Variants in CCDC60 observed in about 807,000 individuals in gnomAD.
The protein encoded by CCDC60 is coiled-coil domain containing 60.
A neutral mutation model predicts 63.5 loss-of-function variants in CCDC60; 54 were observed. That is an observed-to-expected ratio of 0.85 (90% CI 0.68 to 1.07). The LOEUF is 1.07. Among genes scored for constraint, CCDC60 ranks in the 50% least tolerant of loss-of-function variants. CCDC60 has a pLI of 0.00. For synonymous variants in CCDC60, 206 were observed against 238.8 expected (o/e 0.86, Z 1.27); for missense variants, 651 against 684.3 (o/e 0.95, Z 0.54).
rs143111849 is a variant in CCDC60 at position 119,513,260 on chromosome 12, C to G, written c.884-3363C>G. Among the ~76,000 whole-genome samples the G allele has an allele frequency of 2.6e-5, 4 of 152,308 alleles. No homozygotes were observed. In the East Asian group the frequency reaches 7.7e-4, roughly 29 times the overall value. ...TCTTGAGGCACGTAACTTACTCCATCTCTATTTCATTTTCCAACTTTTTGG... is the reference window on the plus strand; with the variant it reads ...TCTTGAGGCACGTAACTTACTCCATGTCTATTTCATTTTCCAACTTTTTGG... On this transcript the variant is annotated intron_variant, in intron 7 of 13. Coordinates refer to ENST00000327554, the MANE Select transcript of CCDC60 (RefSeq NM_178499.5).
At chr12:119,394,586 G>GT (rs1353061907) in intron 1 of CCDC60, among the ~76,000 whole-genome samples, 3 of 152,194 alleles carry the variant, frequency 2.0e-5, no homozygotes, top group Non-Finnish European at 4.4e-5. Flanking sequence ...ACAGAAAACA[G>GT]TAATTCTCAT....
At chr12:119,360,362 C>A (rs1203834684) in intron 1 of CCDC60, among the ~76,000 whole-genome samples, 1 of 85,944 alleles carries the variant, frequency 1.2e-5, no homozygotes, top group Non-Finnish European at 2.1e-5. Context: ...ACCTCCCTCC[C>A]GGACGGGGCG....
chr12:119,367,619 C>T (rs1385374213), intron 1 of CCDC60, among the ~76,000 whole-genome samples: 1 of 152,074 alleles, frequency 6.6e-6, no homozygotes, highest in East Asian at 1.9e-4. Context: ...ACAGCTCTGC[C>T]CAAAAGTCCG....
intron 2 of CCDC60, among the ~76,000 whole-genome samples, chr12:119,443,264 A>G (rs566011931): frequency 1.3e-5 from 2 of 152,340 alleles, no homozygotes; most frequent in South Asian, 4.1e-4. Flanking sequence ...GCCTTTTTCA[A>G]TACAGATGGA....
intron 2 of CCDC60, among the ~76,000 whole-genome samples, chr12:119,462,289 A>G (rs1950869455): frequency 6.6e-6 from 1 of 152,090 alleles, no homozygotes; most frequent in Admixed American, 6.6e-5. Flanking sequence ...GTCTCTTCCT[A>G]TTTGCAGCAC....
chr12:119,484,639 G>A (rs1200154554), intron 4 of CCDC60, among the ~76,000 whole-genome samples: 5 of 152,056 alleles, frequency 3.3e-5, no homozygotes, highest in Non-Finnish European at 5.9e-5. Context: ...CTTGTGCCCA[G>A]GAGGCAGAGG....
intron 2 of CCDC60, among the ~76,000 whole-genome samples, chr12:119,459,448 C>T (rs1290145434): frequency 6.6e-6 from 1 of 152,158 alleles, no homozygotes; most frequent in East Asian, 1.9e-4. Flanking sequence ...CTTGTTCATT[C>T]CTGGGGATGG....
chr12:119,420,039 G>A lies in CCDC60; in HGVS notation c.91-8644G>A, dbSNP rs1436992840. Among the ~76,000 whole-genome samples the A allele has an allele frequency of 6.6e-6, 1 of 151,628 alleles. No individual in the cohort carries two copies. The highest frequency in any genetic ancestry group is 6.6e-5 in the Admixed American group (1 of 15,230). ...CTACAGGCACCCACCACCACACCTGGGTAATTTTTTGTATTTTTAGTAGAG... is the reference window on the plus strand; with the variant it reads ...CTACAGGCACCCACCACCACACCTGAGTAATTTTTTGTATTTTTAGTAGAG... On this transcript the variant is annotated intron_variant, in intron 1 of 13. Coordinates refer to ENST00000327554, the MANE Select transcript of CCDC60 (RefSeq NM_178499.5). The surrounding 1 kb of genome is among the most constrained non-coding windows in gnomAD (Gnocchi z 4.1).
chr12:119,390,654 T>G (rs916347541), intron 1 of CCDC60, among the ~76,000 whole-genome samples: 1 of 152,212 alleles, frequency 6.6e-6, no homozygotes, highest in African/African-American at 2.4e-5. Flanking sequence ...AATTCTAATC[T>G]GCAAGGAATC....
At chr12:119,535,812 G>T (rs1048098428) in intron 13 of CCDC60, among the ~76,000 whole-genome samples, 7 of 152,168 alleles carry the variant, frequency 4.6e-5, no homozygotes, top group Non-Finnish European at 7.3e-5. Context: ...TTTTACATTT[G>T]CTGAGGAGTG....
intron 1 of CCDC60, among the ~76,000 whole-genome samples, chr12:119,391,854 A>T (rs562481141): frequency 5.3e-5 from 8 of 152,248 alleles, no homozygotes; most frequent in African/African-American, 1.7e-4. Flanking sequence ...ACCTTCTGGA[A>T]GCTTTCTGCA....
intron 4 of CCDC60, among the ~76,000 whole-genome samples, chr12:119,482,634 G>A (rs924480977): frequency 2.0e-5 from 3 of 152,200 alleles, no homozygotes; most frequent in Non-Finnish European, 4.4e-5. Context: ...AAAGGCTCTG[G>A]CTGCATTTGA....
intron 1 of CCDC60, among the ~76,000 whole-genome samples, chr12:119,353,623 T>G (rs11614336): frequency 8.0e-6 from 1 of 125,230 alleles, no homozygotes; most frequent in African/African-American, 2.9e-5. Context: ...TTTTTTTTTT[T>G]TGAGATGGAG....
chr12:119,483,285 T>C (rs1249320610), intron 4 of CCDC60, among the ~76,000 whole-genome samples: 3 of 152,228 alleles, frequency 2.0e-5, no homozygotes, highest in Non-Finnish European at 2.9e-5. Flanking sequence ...TTCCTGAATT[T>C]TCAGTTGTCA....
chr12:119,540,184 T>C (rs978987578), intron 13 of CCDC60, among the ~76,000 whole-genome samples: 4 of 152,250 alleles, frequency 2.6e-5, no homozygotes, highest in African/African-American at 9.6e-5. Flanking sequence ...TGTGGGGGTC[T>C]ACATGAAACT....
At chr12:119,462,037 T>A (rs1042579767) in intron 2 of CCDC60, among the ~76,000 whole-genome samples, 2 of 152,234 alleles carry the variant, frequency 1.3e-5, no homozygotes, top group Admixed American at 1.3e-4. Flanking sequence ...CACATTCATC[T>A]GTCACTCAGG....
chr12:119,526,925 A>G (rs1952692575), intron 11 of CCDC60, among the ~76,000 whole-genome samples: 1 of 152,230 alleles, frequency 6.6e-6, no homozygotes, highest in Admixed American at 6.5e-5. Context: ...ATACTACCCA[A>G]AGGAATATAA....
intron 1 of CCDC60, among the ~76,000 whole-genome samples, chr12:119,414,702 C>T (rs1175329463): frequency 6.6e-6 from 1 of 152,106 alleles, no homozygotes; most frequent in Non-Finnish European, 1.5e-5. Context: ...AGGTGCATGC[C>T]ACCATGTCCA....
At chr12:119,465,211 G>C (rs1163103957) in intron 2 of CCDC60, among the ~76,000 whole-genome samples, 1 of 152,116 alleles carries the variant, frequency 6.6e-6, no homozygotes, top group Non-Finnish European at 1.5e-5. Context: ...TAGTCAGGAG[G>C]CTGAGGCGGG....
Sources: gnomAD v4.1 joint callset for allele counts (sites outside exome capture counted in the v4.1 genomes callset) on GRCh38, gnomAD v4.1.1 for gene constraint, Gnocchi (gnomAD v3.1) non-coding constraint, MANE v1.5 for transcripts, NCBI Gene and HGNC (gene_info 2026-07-23, HGNC 2026-07-21) for gene names.